LHX2: variants seen among roughly 807,000 people sequenced by gnomAD.
The protein encoded by LHX2 is LIM homeobox 2, also known as LIM/homeobox protein Lhx2.
Under a neutral mutation model 33.0 loss-of-function variants are expected in LHX2, and 6 were observed. The observed-to-expected ratio is 0.18, with a 90% CI of 0.10 to 0.36. The LOEUF (loss-of-function observed/expected upper bound fraction) is 0.36, where lower values mean the gene tolerates loss of function less well. LHX2 is among the 10% of genes least tolerant of loss of function. The probability of loss-of-function intolerance (pLI) is 1.00; values close to 1 mark genes in which losing one functional copy is unlikely to be tolerated. For missense variants in LHX2, 442 were observed against 586.2 expected (o/e 0.75, Z 2.54); for synonymous variants, 292 against 253.1 (o/e 1.15, Z -1.46).
chr9:124,030,550 G>A (rs1382432912), intron 4 of LHX2, among the ~76,000 whole-genome samples: 1 of 152,114 alleles, frequency 6.6e-6, no homozygotes, highest in South Asian at 2.1e-4. Context: ...TGGGTACAGC[G>A]GGTCCCTGTG....
rs1042486 is a variant in LHX2, at chr9:124,021,154, G to C, written c.783G>C (p.Pro261=). Residue 261 remains proline, a synonymous_variant, in exon 4 of 5, where the codon CCG becomes CCC. Transcript: ENST00000373615. ...ACCTGGACCGTGACCAGCCATACCC[G>C]AGCAGCCAGAAGACCAAGCGCATGC... ...AEHLDRDQPY[P]SSQKTKRMRT... 710,272 of 1,613,834 alleles carry C rather than the reference G, an allele frequency of 0.44. 160,691 individuals carry two copies. Among genetic ancestry groups the C allele is most frequent in the Admixed American group, 0.55 (32,933 of 60,004 alleles).
Position 124,013,979 on chromosome 9 carries a change from A to G in LHX2, c.139A>G (p.Ser47Gly), listed in dbSNP as rs1859139002. 3 of 1,612,918 alleles carry G rather than the reference A, an allele frequency of 1.9e-6. No individual in the cohort carries two copies. Among genetic ancestry groups the G allele is most frequent in the African/African-American group, 1.3e-5 (1 of 74,938 alleles). Residue 47 changes from serine (S) to glycine (G), a missense_variant, in exon 2 of 5, where the codon AGT becomes GGT. Coordinates refer to ENST00000373615, the MANE Select transcript of LHX2 (RefSeq NM_004789.4). ...TTCGCAGACCATGCCGTCCATCAGC[A>G]GTGACCGCGCCGCGCTGTGCGCCGG... ...DTETTMPSISSDRAALCAGCG... is the reference protein window; with the variant it reads ...DTETTMPSISGDRAALCAGCG...
chr9:124,030,600 T>C (rs1429311978), intron 4 of LHX2, among the ~76,000 whole-genome samples: 3 of 151,402 alleles, frequency 2.0e-5, no homozygotes, highest in Non-Finnish European at 4.4e-5. Flanking sequence ...AGGTGCTGGC[T>C]GTGTAGATGA....
Position 124,015,998 on chromosome 9 carries a change from C to T in LHX2, c.727+473C>T, listed in dbSNP as rs1247682495. Among the ~76,000 whole-genome samples the T allele has an allele frequency of 6.6e-6, 1 of 152,228 alleles. No individual in the cohort carries two copies. Among genetic ancestry groups the T allele is most frequent in the Non-Finnish European group, 1.5e-5 (1 of 68,046 alleles). ...CTCGGCCTGGAGTGCGGCCTGACCT[C>T]GTGAAATGTCCCAAGGGCGGCAGGC... On this transcript the variant is annotated intron_variant, in intron 3 of 4. Transcript: ENST00000373615. The surrounding 1 kb of genome is among the most constrained non-coding windows in gnomAD (Gnocchi z 7.9).
intron 3 of LHX2, among the ~76,000 whole-genome samples, chr9:124,018,989 G>A (rs561881600): frequency 1.3e-4 from 20 of 152,366 alleles, no homozygotes; most frequent in Non-Finnish European, 1.8e-4. Context: ...GGGGCTCGGT[G>A]GAGGGATGGG....
intron 3 of LHX2, 51 bp from the exon 4 acceptor site, chr9:124,021,048 A>C (rs577761848): frequency 6.4e-7 from 1 of 1,567,588 alleles, no homozygotes; most frequent in Non-Finnish European, 8.8e-7. Context: ...TGGATTTGGC[A>C]TGGGGGGCGG....
At position 124,032,364 on chromosome 9, in the gene LHX2, G is replaced by A; in HGVS notation, c.934-56G>A. 4 of 1,462,142 alleles carry A rather than the reference G, an allele frequency of 2.7e-6. No homozygotes were observed. Among genetic ancestry groups the A allele is most frequent in the South Asian group, 2.6e-5 (2 of 78,168 alleles). The allele number at this position is 1,462,142 out of a possible 1,614,324, so 90.6% of individuals were successfully genotyped here. On this transcript the variant is annotated intron_variant, in intron 4 of 4. Coordinates refer to ENST00000373615, the MANE Select transcript of LHX2 (RefSeq NM_004789.4). This position sits in a 1 kb window ranked among gnomAD's most constrained non-coding sequence, Gnocchi z 4.1. Reference sequence around the variant, plus strand: ...CAGCAGAGCTCTGAGTGAAGCAGTCGGGGGGATGCTCTGCCTGCCTTCCGC... The same window carrying A: ...CAGCAGAGCTCTGAGTGAAGCAGTCAGGGGGATGCTCTGCCTGCCTTCCGC...
rs1258688030 is a variant in LHX2 at position 124,015,097 on chromosome 9, GC to G, written c.324-21del. ...GGGTACCCAACCGTGTGTTCCCACA[GC>G]CCCTCCCTCCATGGTCCCTACAGGC... On this transcript the variant is annotated intron_variant, in intron 2 of 4. Coordinates refer to ENST00000373615, the MANE Select transcript of LHX2 (RefSeq NM_004789.4). This position sits in a 1 kb window ranked among gnomAD's most constrained non-coding sequence, Gnocchi z 7.9. 6.2e-7 allele frequency: 1 copy of G among 1,607,362 alleles called. No homozygotes were observed. The highest frequency in any genetic ancestry group is 1.1e-5 in the South Asian group (1 of 91,046).
intron 3 of LHX2, among the ~76,000 whole-genome samples, chr9:124,018,424 C>G (rs1859232935): frequency 6.6e-6 from 1 of 152,094 alleles, no homozygotes; most frequent in Non-Finnish European, 1.5e-5. Flanking sequence ...AACCTGGGCC[C>G]CACGGCTGCC....
At position 124,012,191 on chromosome 9, in the gene LHX2, C is replaced by T. The variant is rs1035045215; in HGVS notation, c.-158C>T. The stretch of plus-strand genomic sequence containing the variant: ...GTCCTGCCCCGCGAGCGCCCGGGGC[C>T]CGGAGCCCGGCCTGGGGGCTCAGCC... On this transcript the variant is annotated 5_prime_UTR_variant, in exon 1 of 5. Transcript: ENST00000373615. The surrounding 1 kb of genome is among the most constrained non-coding windows in gnomAD (Gnocchi z 4.3). 4.6e-6 allele frequency: 3 copies of T among 651,992 alleles called. No individual in the cohort carries two copies. Among genetic ancestry groups the T allele is most frequent in the East Asian group, 5.6e-5 (1 of 18,004 alleles). The allele number at this position is 651,992 out of a possible 1,614,324, so 40.4% of individuals were successfully genotyped here.
intron 3 of LHX2, among the ~76,000 whole-genome samples, chr9:124,017,909 G>A (rs1859220694): frequency 6.6e-6 from 1 of 151,918 alleles, no homozygotes; most frequent in Non-Finnish European, 1.5e-5. Flanking sequence ...GCTGCCAGCG[G>A]GCTGGGGGTG....
In LHX2 at chr9:124,016,511, C is replaced by A. The variant is rs1374861838; in HGVS notation, c.727+986C>A. ...GATTTGGAGATTTTGTGTTCTTCTT[C>A]CTTTTCCCTTTAGTCTAATGCACAA... is the stretch of plus-strand genomic sequence containing the variant. On this transcript the variant is annotated intron_variant, in intron 3 of 4. Transcript: ENST00000373615. The surrounding 1 kb of genome is among the most constrained non-coding windows in gnomAD (Gnocchi z 4.4). Among the ~76,000 whole-genome samples the A allele has an allele frequency of 6.6e-6, 1 of 152,180 alleles. No individual in the cohort carries two copies. Among genetic ancestry groups the A allele is most frequent in the Non-Finnish European group, 1.5e-5 (1 of 68,052 alleles).
In LHX2 at chr9:124,016,593, G is replaced by A. The variant is rs971841125; in HGVS notation, c.727+1068G>A. On this transcript the variant is annotated intron_variant, in intron 3 of 4. Coordinates refer to ENST00000373615, the MANE Select transcript of LHX2 (RefSeq NM_004789.4). This position sits in a 1 kb window ranked among gnomAD's most constrained non-coding sequence, Gnocchi z 4.4. The stretch of plus-strand genomic sequence containing the variant: ...AGACTGTGCAGAGGGTGCTACGGCG[G>A]GAAGAAGTCAGTTATTTTCATCTTA... 4.6e-5 allele frequency among the ~76,000 whole-genome samples: 7 copies of A among 152,168 alleles called. No individual in the cohort carries two copies. The highest frequency in any genetic ancestry group is 1.4e-4 in the African/African-American group (6 of 41,422).
intron 4 of LHX2, among the ~76,000 whole-genome samples, chr9:124,022,858 CGAGGGGCTGCGGGA>C (rs969072793): frequency 1.5e-4 from 23 of 152,208 alleles, no homozygotes; most frequent in Middle Eastern, 3.4e-3. Flanking sequence ...GGGGAGCGGG[CGAGGGGCTGCGGGA>C]GAGGGAGGAC....
At chr9:124,029,741 A>G (rs1015951880) in intron 4 of LHX2, among the ~76,000 whole-genome samples, 7 of 152,218 alleles carry the variant, frequency 4.6e-5, no homozygotes, top group East Asian at 1.9e-4. Context: ...CTGCTCTGAG[A>G]GTCAGACGCA....
intron 4 of LHX2, among the ~76,000 whole-genome samples, chr9:124,022,759 C>T (rs1444690143): frequency 6.6e-6 from 1 of 152,244 alleles, no homozygotes; most frequent in Non-Finnish European, 1.5e-5. Context: ...GAGGCTGTGA[C>T]GCGGCGCAAC....
Position 124,015,033 on chromosome 9 carries a change from C to A in LHX2, c.324-89C>A, listed in dbSNP as rs950187999. ...GTTGTTCGTCTTGAGGAGGGGATTG[C>A]CCCCCGCAGCAGCAGCGGCACCTGG... On this transcript the variant is annotated intron_variant, in intron 2 of 4. Transcript: ENST00000373615. The surrounding 1 kb of genome is among the most constrained non-coding windows in gnomAD (Gnocchi z 7.9). 6.8e-7 allele frequency: 1 copy of A among 1,480,610 alleles called. No individual in the cohort carries two copies. Among genetic ancestry groups the A allele is most frequent in the Non-Finnish European group, 9.2e-7 (1 of 1,088,738 alleles). 91.7% of individuals were successfully genotyped at this position (1,480,610 alleles called of 1,614,324 possible). A position where few individuals can be genotyped will look rare whatever the true frequency, so the allele number is the denominator to read the frequency against.
In LHX2 at chr9:124,014,623, A is replaced by T. The variant is rs1360207383; in HGVS notation, c.323+460A>T. 6.6e-6 allele frequency among the ~76,000 whole-genome samples: 1 copy of T among 152,236 alleles called. No homozygotes were observed. The highest frequency in any genetic ancestry group is 2.4e-5 in the African/African-American group (1 of 41,464). ...GGGAATGAAAGGTGGCCAAGATCAAAGAACCAGAATCACTAGTAGACTCCA... is the reference window on the plus strand; with the variant it reads ...GGGAATGAAAGGTGGCCAAGATCAATGAACCAGAATCACTAGTAGACTCCA... On this transcript the variant is annotated intron_variant, in intron 2 of 4. Transcript: ENST00000373615. The surrounding 1 kb of genome is among the most constrained non-coding windows in gnomAD (Gnocchi z 4.8).
rs1343437022 is a variant in LHX2 at position 124,014,869 on chromosome 9, T to C, written c.324-253T>C. On this transcript the variant is annotated intron_variant, in intron 2 of 4. Transcript: ENST00000373615. The surrounding 1 kb of genome is among the most constrained non-coding windows in gnomAD (Gnocchi z 4.8). ...TCCCTCCACTCCCAGGTAAAGGCTTTCCTAGGGCTTGCGGAGACTCTGGGT... is the reference window on the plus strand; with the variant it reads ...TCCCTCCACTCCCAGGTAAAGGCTTCCCTAGGGCTTGCGGAGACTCTGGGT... Among the ~76,000 whole-genome samples the C allele has an allele frequency of 6.6e-6, 1 of 152,188 alleles. No individual in the cohort carries two copies. The highest frequency in any genetic ancestry group is 1.5e-5 in the Non-Finnish European group (1 of 68,032).
Sources: allele counts gnomAD v4.1 joint callset (sites outside exome capture counted in the v4.1 genomes callset), GRCh38; gene constraint gnomAD v4.1.1; non-coding constraint Gnocchi (gnomAD v3.1); transcripts MANE v1.5; gene names NCBI Gene and HGNC (gene_info 2026-07-23, HGNC 2026-07-21).